TARS2: variants seen among roughly 807,000 people sequenced by gnomAD.
TARS2 encodes threonine--tRNA ligase, mitochondrial.
A neutral mutation model predicts 94.4 loss-of-function variants in TARS2; 61 were observed. The ratio of observed to expected loss-of-function variants is 0.65; its 90% CI spans 0.53 to 0.80. The LOEUF is 0.80. Ranked by LOEUF, TARS2 falls within the 30% of genes least tolerant of loss-of-function variation. The pLI is 0.00. For synonymous variants in TARS2, 359 were observed against 353.4 expected, an observed-to-expected ratio of 1.02 and a Z score of -0.18; for missense variants, 704 against 902.5, an observed-to-expected ratio of 0.78 and a Z score of 2.82.
chr1:150,503,469 C>T (rs1379894694), intron 13 of TARS2, among the ~76,000 whole-genome samples: 1 of 151,108 alleles, frequency 6.6e-6, no homozygotes, highest in South Asian at 2.1e-4. Flanking sequence ...GGGCAGATCA[C>T]TTGAGATCAG....
intron 7 of TARS2, among the ~76,000 whole-genome samples, chr1:150,496,222 T>TA (rs1298664481): frequency 6.6e-6 from 1 of 152,050 alleles, no homozygotes; most frequent in Non-Finnish European, 1.5e-5. Flanking sequence ...AGTAAAGGGG[T>TA]AATGAGAATG....
At position 150,497,563 on chromosome 1, in the gene TARS2, A is replaced by C; in HGVS notation, c.1054A>C (p.Lys352Gln). 6.2e-7 allele frequency: 1 copy of C among 1,614,138 alleles called. No homozygotes were observed. Among genetic ancestry groups the C allele is most frequent in the Non-Finnish European group, 8.5e-7 (1 of 1,180,028 alleles). Reference sequence around the variant, plus strand: ...TGCCCATCGTGGTTTCTCCGAGGTGAAAACTCCCACACTGTTTTCTACGAA... The same window carrying C: ...TGCCCATCGTGGTTTCTCCGAGGTGCAAACTCCCACACTGTTTTCTACGAA... ...EYAHRGFSEVKTPTLFSTKLW... is the reference protein window; with the variant it reads ...EYAHRGFSEVQTPTLFSTKLW... Residue 352 changes from lysine to glutamine, a missense_variant, in exon 10 of 18, where the codon AAA becomes CAA. Lys to Gln is a moderately conservative substitution (Grantham distance 53). Transcript: ENST00000369064.
intron 6 of TARS2, chr1:150,491,965 T>TTG (rs1669410971): frequency 4.6e-6 from 1 of 217,406 alleles, no homozygotes; most frequent in Non-Finnish European, 9.0e-6. Context: ...TGGCTAGTTT[T>TTG]TTTTTTTTTT....
Position 150,506,972 on chromosome 1 carries a change from C to G in TARS2, c.2065C>G (p.Arg689Gly). 6.2e-7 allele frequency: 1 copy of G among 1,614,174 alleles called. No individual in the cohort carries two copies. Reference protein sequence around the residue: ...RTVNIRTRDNRRLGEWDLPEA... With the variant: ...RTVNIRTRDNGRLGEWDLPEA... ...AGTGAACATTCGGACTCGAGATAAT[C>G]GTCGCCTTGGGGAGTGGGACTTGCC... Residue 689 changes from arginine to glycine, a missense_variant, in exon 18 of 18, where the codon CGT becomes GGT. This residue lies in a region of TARS2 where 466 missense variants were observed against 609.5 expected (regional missense o/e 0.76). Transcript: ENST00000369064.
Position 150,499,150 on chromosome 1 carries a change from C to T in TARS2, c.1540-66C>T. The T allele has an allele frequency of 1.9e-6, 3 of 1,608,338 alleles. No individual in the cohort carries two copies. The Admixed American group carries it at 5.0e-5, about 27-fold the overall frequency. On this transcript the variant is annotated intron_variant, in intron 12 of 17. Coordinates refer to ENST00000369064, the MANE Select transcript of TARS2 (RefSeq NM_025150.5). ...TGGTGAGTGGGTCATTTGTTGGGGA[C>T]TGACCGGATGTGTTGCTTTTGAAGT...
At chr1:150,495,277 G>A (rs9436119) in intron 7 of TARS2, among the ~76,000 whole-genome samples, 44,701 of 150,594 alleles carry the variant, frequency 0.3, 8,055 homozygotes, top group Non-Finnish European at 0.4. Flanking sequence ...CCTGGGAGGC[G>A]GAGCTTGCAG....
intron 10 of TARS2, among the ~76,000 whole-genome samples, chr1:150,497,956 G>A (rs1486465102): frequency 1.3e-4 from 19 of 151,968 alleles, no homozygotes; most frequent in Admixed American, 1.1e-3. Context: ...AGCCGGGCAC[G>A]GTGGCGGGCG....
chr1:150,495,745 A>G (rs1669635215), intron 7 of TARS2, among the ~76,000 whole-genome samples: 1 of 147,278 alleles, frequency 6.8e-6, no homozygotes, highest in African/African-American at 2.5e-5. Flanking sequence ...TTTGAGATGG[A>G]GTCTTGCTCT....
In TARS2 at chr1:150,491,674, C is replaced by T. The variant is rs773810131; in HGVS notation, c.695+12C>T. 38 of 1,613,750 alleles carry T rather than the reference C, an allele frequency of 2.4e-5. No homozygotes were observed. Among genetic ancestry groups the T allele is most frequent in the Middle Eastern group, 1.6e-4 (1 of 6,062 alleles). On this transcript the variant is annotated intron_variant, in intron 6 of 17. Coordinates refer to ENST00000369064, the MANE Select transcript of TARS2 (RefSeq NM_025150.5). ...GCAACAGTATATGGGTAAGAGTTGT[C>T]AAGATTAAGGCAAACAGAGAGGTGG... is the stretch of plus-strand genomic sequence containing the variant.
At position 150,488,059 on chromosome 1, in the gene TARS2, C is replaced by G. The variant is rs1277906619; in HGVS notation, c.263+5C>G. On this transcript the variant is annotated splice_donor_5th_base_variant and intron_variant, in intron 2 of 17. Coordinates refer to ENST00000369064, the MANE Select transcript of TARS2 (RefSeq NM_025150.5). The stretch of plus-strand genomic sequence containing the variant: ...CCAACTAGCCCGGCAGATCAGGTAA[C>G]AGGCCCATCCTGTAACTACCAGGAT... 5.0e-6 allele frequency: 8 copies of G among 1,613,328 alleles called. No homozygotes were observed. The highest frequency in any genetic ancestry group is 6.8e-6 in the Non-Finnish European group (8 of 1,179,576).
intron 17 of TARS2, among the ~76,000 whole-genome samples, chr1:150,506,531 G>A (rs1324471246): frequency 7.0e-6 from 1 of 142,680 alleles, no homozygotes; most frequent in Admixed American, 7.0e-5. Context: ...CTCTCTGTGG[G>A]GTTCTCATTG....
At position 150,492,291 on chromosome 1, in the gene TARS2, C is replaced by A; in HGVS notation, c.696-120C>A. ...GGAATTGATTTTTATCTGCCATTGC[C>A]CTCTCTCAGTAGGACAGTTCCTTTC... On this transcript the variant is annotated intron_variant, in intron 6 of 17. Coordinates refer to ENST00000369064, the MANE Select transcript of TARS2 (RefSeq NM_025150.5). 3 of 1,031,978 alleles carry A rather than the reference C, an allele frequency of 2.9e-6. No individual in the cohort carries two copies. The South Asian group carries it at 4.2e-5, about 15-fold the overall frequency. 63.9% of individuals were successfully genotyped at this position (1,031,978 alleles called of 1,614,324 possible). A position where few individuals can be genotyped will look rare whatever the true frequency, so the allele number is the denominator to read the frequency against.
intron 10 of TARS2, among the ~76,000 whole-genome samples, 154 bp from the exon 11 acceptor site, chr1:150,498,348 G>A (rs1289110221): frequency 6.6e-6 from 1 of 152,212 alleles, no homozygotes; most frequent in African/African-American, 2.4e-5. Context: ...ACTGTGATGA[G>A]TGGGATTGAC....
Position 150,496,522 on chromosome 1 carries a change from C to T in TARS2, c.815C>T (p.Thr272Ile). The T allele has an allele frequency of 1.2e-6, 2 of 1,614,102 alleles. No individual in the cohort carries two copies. The highest frequency in any genetic ancestry group is 2.2e-5 in the South Asian group (2 of 91,080). The change falls in exon 8 of 18, where the codon ACA (threonine) becomes ATA (isoleucine). Residue 272 changes from threonine (T) to isoleucine (I), a missense_variant. Transcript: ENST00000369064. Reference protein sequence around the residue: ...SLWRSSGAPETLQRVSGISFP... With the variant: ...SLWRSSGAPEILQRVSGISFP... ...TGGAGGTCTTCAGGGGCCCCAGAGA[C>T]ACTGCAGAGAGTGTCAGGGATTTCC...
chr1:150,494,569 G>A (rs1014537144), intron 7 of TARS2, among the ~76,000 whole-genome samples: 2 of 151,896 alleles, frequency 1.3e-5, no homozygotes, highest in South Asian at 2.1e-4. Context: ...GTGAAACCTC[G>A]TCACTACTAA....
intron 9 of TARS2, among the ~76,000 whole-genome samples, chr1:150,497,296 A>G (rs587716219): frequency 6.6e-5 from 10 of 152,238 alleles, no homozygotes; most frequent in African/African-American, 1.9e-4. Context: ...AAGAGAAAAA[A>G]AAAGGTGGGG....
In TARS2 at chr1:150,498,991, C is replaced by G. The variant is rs745806941; in HGVS notation, c.1496C>G (p.Ser499Cys). ...CGCCTGGCACTGTCCACCCGGCCAT[C>G]TGGCTTCCTGGGGGACCCTTGCCTT... ...SFRLALSTRP[S>C]GFLGDPCLWD... Residue 499 changes from serine to cysteine, a missense_variant, in exon 12 of 18, where the codon TCT becomes TGT. Coordinates refer to ENST00000369064, the MANE Select transcript of TARS2 (RefSeq NM_025150.5). The G allele has an allele frequency of 3.7e-6, 6 of 1,614,038 alleles. No individual in the cohort carries two copies. Among genetic ancestry groups the G allele is most frequent in the Non-Finnish European group, 4.2e-6 (5 of 1,180,036 alleles).
At chr1:150,491,684 GCAAA>G (rs776310007) in intron 6 of TARS2, 22 bp downstream of exon 6, 98 of 1,613,090 alleles carry the variant, frequency 6.1e-5, no homozygotes, top group South Asian at 3.1e-4. Context: ...CAAGATTAAG[GCAAA>G]CAGAGAGGTG....
chr1:150,505,543 C>CT, intron 16 of TARS2, 48 bp from the exon 17 acceptor site: 1 of 1,533,772 alleles, frequency 6.5e-7, no homozygotes, highest in South Asian at 1.1e-5. Flanking sequence ...GTTCTAGCTC[C>CT]TTAACTTTCC....
Sources: allele counts gnomAD v4.1 joint callset (sites outside exome capture counted in the v4.1 genomes callset), GRCh38; gene constraint gnomAD v4.1.1; regional missense constraint gnomAD v4.1.1; transcripts MANE v1.5; gene names NCBI Gene and HGNC (gene_info 2026-07-23, HGNC 2026-07-21).